CACNB2: variants seen among roughly 807,000 people sequenced by gnomAD.
The protein encoded by CACNB2 is voltage-dependent L-type calcium channel subunit beta-2.
CACNB2 carries 42 observed loss-of-function variants against 73.3 expected under a neutral mutation model. The observed-to-expected ratio is 0.57, with a 90% CI of 0.45 to 0.74. The LOEUF (loss-of-function observed/expected upper bound fraction) is 0.74, where lower values mean the gene tolerates loss of function less well. Ranked by LOEUF, CACNB2 falls within the 30% of genes least tolerant of loss-of-function variation. The pLI is 0.00. For missense variants in CACNB2, 940 were observed against 853.0 expected (o/e 1.10, Z -1.27); for synonymous variants, 348 against 310.3 (o/e 1.12, Z -1.28).
chr10:18,429,798 C>T (rs1344611841), intron 3 of CACNB2, among the ~76,000 whole-genome samples: 3 of 134,962 alleles, frequency 2.2e-5, no homozygotes, highest in Admixed American at 7.4e-5. Context: ...AGCAAGACTC[C>T]GTCTCTACCG....
chr10:18,220,527 T>G (rs7915367), intron 2 of CACNB2, among the ~76,000 whole-genome samples: 33,753 of 151,192 alleles, frequency 0.22, 5,907 homozygotes, highest in African/African-American at 0.5. Context: ...CTCCCAAAGT[T>G]CTGGGCTTAC....
At chr10:18,313,912 A>G (rs545924730) in intron 2 of CACNB2, among the ~76,000 whole-genome samples, 3 of 152,374 alleles carry the variant, frequency 2.0e-5, no homozygotes, top group Non-Finnish European at 4.4e-5. Context: ...CAGGTCATCT[A>G]TTTATGATCA....
At chr10:18,218,587 C>G (rs897271276) in intron 2 of CACNB2, among the ~76,000 whole-genome samples, 4 of 152,156 alleles carry the variant, frequency 2.6e-5, no homozygotes, top group Admixed American at 6.5e-5. Context: ...ATCTGCTATT[C>G]AAAATACTTC....
chr10:18,483,195 G>A (rs765613516), intron 3 of CACNB2, among the ~76,000 whole-genome samples: 3 of 151,866 alleles, frequency 2.0e-5, no homozygotes, highest in Non-Finnish European at 4.4e-5. Flanking sequence ...ATTTGGTTTG[G>A]GTCATGGGGA....
chr10:18,289,284 G>T lies in CACNB2; in HGVS notation c.214-112640G>T, dbSNP rs375960183. Among the ~76,000 whole-genome samples the T allele has an allele frequency of 3.0e-3, 255 of 85,378 alleles. 4 individuals are homozygous for T. Among genetic ancestry groups the T allele is most frequent in the Middle Eastern group, 6.4e-3 (1 of 156 alleles). The allele number at this position is 85,378 out of a possible 152,430, so 56.0% of individuals were successfully genotyped here. On this transcript the variant is annotated intron_variant, in intron 2 of 13. Coordinates refer to ENST00000324631, the MANE Select transcript of CACNB2 (RefSeq NM_201596.3). ...GAAGTTGTCTTCATTTTTTTTTCTTGTTTTTTTGTTTTGTTTTTTTTTTTT... is the reference window on the plus strand; with the variant it reads ...GAAGTTGTCTTCATTTTTTTTTCTTTTTTTTTTGTTTTGTTTTTTTTTTTT...
chr10:18,235,078 G>C (rs1386926705), intron 2 of CACNB2, among the ~76,000 whole-genome samples: 2 of 151,368 alleles, frequency 1.3e-5, no homozygotes, highest in Admixed American at 6.6e-5. Context: ...GGGAGGCGGA[G>C]CTTGCAGTGA....
At chr10:18,533,977 A>T in intron 10 of CACNB2, 99 bp from the exon 11 acceptor site, 1 of 1,136,636 alleles carries the variant, frequency 8.8e-7, no homozygotes, top group Non-Finnish European at 1.3e-6. Flanking sequence ...GCATTAACAT[A>T]ATGGCTGACC....
At position 18,155,739 on chromosome 10, in the gene CACNB2, ACAGT is replaced by A. The variant is rs144422941; in HGVS notation, c.213+4769_213+4772del. On this transcript the variant is annotated intron_variant, in intron 2 of 13. Coordinates refer to ENST00000324631, the MANE Select transcript of CACNB2 (RefSeq NM_201596.3). ...CTTAGTAGTGTCAATCTTTTTCATT[ACAGT>A]CAGTTTTATGACAGTGCAGTGGTAG... Among the ~76,000 whole-genome samples, 96 of 152,214 alleles carry A rather than the reference ACAGT, an allele frequency of 6.3e-4. 1 individual carries two copies. In the East Asian group the frequency reaches 0.018, roughly 29 times the overall value.
chr10:18,510,801 G>A (rs1344404491), intron 6 of CACNB2, among the ~76,000 whole-genome samples: 1 of 152,172 alleles, frequency 6.6e-6, no homozygotes, highest in Non-Finnish European at 1.5e-5. Flanking sequence ...CCCAATAAAA[G>A]ATGAGAAAGA....
intron 2 of CACNB2, chr10:18,256,911 A>G (rs1212403951): frequency 6.6e-6 from 1 of 152,234 alleles, no homozygotes; most frequent in African/African-American, 2.4e-5. Context: ...GCACCACTGC[A>G]CTCCAGCCTG....
intron 1 of CACNB2, among the ~76,000 whole-genome samples, chr10:18,149,772 T>G (rs1468869843): frequency 2.0e-5 from 3 of 152,244 alleles, no homozygotes; most frequent in Admixed American, 6.5e-5. Flanking sequence ...CAACATGTTA[T>G]ACGCTTTAGT....
chr10:18,520,116 C>T (rs899240256), intron 9 of CACNB2: 1 of 192,858 alleles, frequency 5.2e-6, no homozygotes, highest in Non-Finnish European at 1.1e-5. Flanking sequence ...TTTTAAATTC[C>T]ATTCCTTTGC....
At chr10:18,493,354 G>C (rs2049576954) in intron 3 of CACNB2, among the ~76,000 whole-genome samples, 1 of 152,146 alleles carries the variant, frequency 6.6e-6, no homozygotes, top group South Asian at 2.1e-4. Flanking sequence ...TTTTAGTAGA[G>C]ACGTGGTTTC....
rs138149890 is a variant in CACNB2, at chr10:18,258,614, T to C, written c.213+107639T>C. On this transcript the variant is annotated intron_variant, in intron 2 of 13. Transcript: ENST00000324631. ...GGTAGCGGGCACCTGTAATCCCAGC[T>C]ACTCAGGAGCCTGAGGAAGGAGAAT... is the stretch of plus-strand genomic sequence containing the variant. Among the ~76,000 whole-genome samples the C allele has an allele frequency of 1.4e-4, 22 of 152,198 alleles. No individual in the cohort carries two copies. In the East Asian group the frequency reaches 4.1e-3, roughly 28 times the overall value.
intron 3 of CACNB2, among the ~76,000 whole-genome samples, chr10:18,422,359 G>A (rs10828679): frequency 0.87 from 132,297 of 152,270 alleles, 57,641 homozygotes; most frequent in East Asian, 0.94. Flanking sequence ...GGTAACCTAC[G>A]GATGCCCGAT....
At chr10:18,403,465 C>T (rs1012487554) in intron 3 of CACNB2, among the ~76,000 whole-genome samples, 3 of 152,090 alleles carry the variant, frequency 2.0e-5, no homozygotes, top group Non-Finnish European at 4.4e-5. Context: ...GTTCTATTTG[C>T]GGCTAATTTA....
At chr10:18,515,871 C>G (rs2051223978) in intron 7 of CACNB2, among the ~76,000 whole-genome samples, 1 of 152,200 alleles carries the variant, frequency 6.6e-6, no homozygotes, top group Non-Finnish European at 1.5e-5. Flanking sequence ...GTTTGCTTAC[C>G]TTTAAATTCT....
At chr10:18,440,472 C>T (rs938641173) in intron 3 of CACNB2, among the ~76,000 whole-genome samples, 5 of 151,784 alleles carry the variant, frequency 3.3e-5, no homozygotes, top group African/African-American at 1.2e-4. Flanking sequence ...GAGTTGGAGA[C>T]CAGATTGGGC....
At chr10:18,223,957 C>G (rs1275560027) in intron 2 of CACNB2, among the ~76,000 whole-genome samples, 1 of 149,878 alleles carries the variant, frequency 6.7e-6, no homozygotes, top group African/African-American at 2.5e-5. Context: ...ACCCCTTCTA[C>G]TAACATATCA....
Sources: gnomAD v4.1 joint callset for allele counts (sites outside exome capture counted in the v4.1 genomes callset) on GRCh38, gnomAD v4.1.1 for gene constraint, MANE v1.5 for transcripts, NCBI Gene and HGNC (gene_info 2026-07-23, HGNC 2026-07-21) for gene names.